Variants in HS3ST4 observed in about 807,000 individuals in gnomAD.
HS3ST4 encodes heparan sulfate glucosamine 3-O-sulfotransferase 4.
A neutral mutation model predicts 29.2 loss-of-function variants in HS3ST4; 17 were observed. The observed-to-expected ratio is 0.58, with a 90% CI of 0.40 to 0.87. The LOEUF (loss-of-function observed/expected upper bound fraction) is 0.87, where lower values mean the gene tolerates loss of function less well. HS3ST4 is among the 40% of genes least tolerant of loss of function. The pLI is 0.00. For synonymous variants in HS3ST4, 314 were observed against 285.7 expected, an observed-to-expected ratio of 1.10 and a Z score of -1.00; for missense variants, 627 against 634.5, an observed-to-expected ratio of 0.99 and a Z score of 0.13.
intron 1 of HS3ST4, among the ~76,000 whole-genome samples, chr16:25,791,611 A>G (rs1057177791): frequency 2.0e-5 from 3 of 152,090 alleles, no homozygotes; most frequent in African/African-American, 7.2e-5. Context: ...AGACTTTTGT[A>G]TAGAGTTTTA....
At chr16:25,823,245 C>T (rs1450244831) in intron 1 of HS3ST4, among the ~76,000 whole-genome samples, 2 of 152,162 alleles carry the variant, frequency 1.3e-5, no homozygotes, top group African/African-American at 2.4e-5. Flanking sequence ...TGCTCTTACA[C>T]GTTGTGTTTT....
intron 1 of HS3ST4, among the ~76,000 whole-genome samples, chr16:25,983,686 A>G (rs2141723911): frequency 6.6e-6 from 1 of 152,306 alleles, no homozygotes; most frequent in Admixed American, 6.5e-5. Flanking sequence ...TCTAAGCCAT[A>G]CATAGTCTTG....
intron 1 of HS3ST4, among the ~76,000 whole-genome samples, chr16:25,728,842 G>A (rs1198752855): frequency 6.6e-6 from 1 of 152,180 alleles, no homozygotes; most frequent in Non-Finnish European, 1.5e-5. Context: ...CGACACTTTG[G>A]GAGGCCAAGG....
intron 1 of HS3ST4, among the ~76,000 whole-genome samples, chr16:25,892,404 G>A (rs962819221): frequency 1.3e-5 from 2 of 152,128 alleles, no homozygotes; most frequent in African/African-American, 2.4e-5. Flanking sequence ...GTGTCTCATT[G>A]AGCCTCATCT....
intron 1 of HS3ST4, among the ~76,000 whole-genome samples, chr16:26,053,556 G>T (rs559088262): frequency 1.6e-4 from 25 of 152,238 alleles, no homozygotes; most frequent in African/African-American, 6.0e-4. Flanking sequence ...AAGACTTCAG[G>T]AAGTGTGGTT....
At chr16:25,805,053 G>A (rs1425316488) in intron 1 of HS3ST4, among the ~76,000 whole-genome samples, 1 of 152,150 alleles carries the variant, frequency 6.6e-6, no homozygotes, top group African/African-American at 2.4e-5. Context: ...TCCTCCAAGT[G>A]TGTTAAGACC....
intron 1 of HS3ST4, among the ~76,000 whole-genome samples, chr16:25,979,783 G>A (rs1002084002): frequency 6.6e-6 from 1 of 152,120 alleles, no homozygotes; most frequent in Non-Finnish European, 1.5e-5. Context: ...AAAAAGTTTG[G>A]GAACTGCTGT....
rs1441810448 is a variant in HS3ST4, at chr16:25,733,255, G to A, written c.734+40104G>A. On this transcript the variant is annotated intron_variant, in intron 1 of 1. Transcript: ENST00000331351. ...TTCTATCTTTGGTTATTATTTATCG[G>A]AATAATCTTGATTCTTTATTTCCCT... 3.9e-5 allele frequency among the ~76,000 whole-genome samples: 6 copies of A among 152,154 alleles called. No homozygotes were observed. In the East Asian group the frequency reaches 7.7e-4, roughly 20 times the overall value.
intron 1 of HS3ST4, among the ~76,000 whole-genome samples, chr16:25,876,892 G>T (rs539278978): frequency 6.6e-6 from 1 of 151,998 alleles, no homozygotes; most frequent in East Asian, 1.9e-4. Context: ...GAACTTCCTT[G>T]TATCATGTTT....
intron 1 of HS3ST4, among the ~76,000 whole-genome samples, chr16:25,753,232 A>G (rs1966733058): frequency 6.6e-6 from 1 of 152,226 alleles, no homozygotes; most frequent in South Asian, 2.1e-4. Flanking sequence ...GTTTTCTTCA[A>G]GGCTGATTCA....
chr16:26,086,524 T>C (rs1448840580), intron 1 of HS3ST4, among the ~76,000 whole-genome samples: 1 of 152,066 alleles, frequency 6.6e-6, no homozygotes, highest in African/African-American at 2.4e-5. Flanking sequence ...TAATTTTTTG[T>C]ATTTTTAGTA....
At chr16:26,123,674 GC>G (rs1899305327) in intron 1 of HS3ST4, among the ~76,000 whole-genome samples, 1 of 152,038 alleles carries the variant, frequency 6.6e-6, no homozygotes, top group African/African-American at 2.4e-5. Flanking sequence ...CCCTGTCCAA[GC>G]CTTCCCCCAA....
chr16:26,119,555 C>T (rs187932717), intron 1 of HS3ST4, among the ~76,000 whole-genome samples: 223 of 152,202 alleles, frequency 1.5e-3, no homozygotes, highest in African/African-American at 5.1e-3. Context: ...GGAGTGGGCA[C>T]GACCTGGCTG....
intron 1 of HS3ST4, among the ~76,000 whole-genome samples, chr16:25,803,216 G>A (rs1225346826): frequency 3.9e-5 from 6 of 151,970 alleles, no homozygotes; most frequent in Non-Finnish European, 5.9e-5. Context: ...CACAAATAAC[G>A]ATACATCTGT....
chr16:25,983,775 C>A (rs1195725563), intron 1 of HS3ST4, among the ~76,000 whole-genome samples: 2 of 152,162 alleles, frequency 1.3e-5, no homozygotes, highest in East Asian at 3.9e-4. Flanking sequence ...GCCTGTGAGT[C>A]AGGTTTCTGA....
chr16:26,021,919 C>T (rs1969417241), intron 1 of HS3ST4, among the ~76,000 whole-genome samples: 1 of 151,884 alleles, frequency 6.6e-6, no homozygotes, highest in Non-Finnish European at 1.5e-5. Flanking sequence ...ACCTTGGCTT[C>T]CCAAAGTGCT....
chr16:26,094,995 A>G (rs1480552449), intron 1 of HS3ST4, among the ~76,000 whole-genome samples: 1 of 152,210 alleles, frequency 6.6e-6, no homozygotes. Flanking sequence ...CTTTAAACCA[A>G]AAAAGATCAA....
chr16:25,952,968 A>G (rs996205220), intron 1 of HS3ST4, among the ~76,000 whole-genome samples: 2 of 152,088 alleles, frequency 1.3e-5, no homozygotes, highest in African/African-American at 2.4e-5. Context: ...GTGCCATCCT[A>G]CATCTTTCCA....
intron 1 of HS3ST4, among the ~76,000 whole-genome samples, chr16:25,737,554 C>A (rs1390492123): frequency 2.6e-5 from 4 of 151,946 alleles, no homozygotes; most frequent in African/African-American, 9.7e-5. Context: ...TGCACATAGA[C>A]ATAGAGAGTG....
Sources: allele counts gnomAD v4.1 joint callset (sites outside exome capture counted in the v4.1 genomes callset), GRCh38; gene constraint gnomAD v4.1.1; transcripts MANE v1.5; gene names NCBI Gene and HGNC (gene_info 2026-07-23, HGNC 2026-07-21).